HERC1: variants seen among roughly 807,000 people sequenced by gnomAD.
HERC1 encodes the protein HECT and RLD domain containing E3 ubiquitin protein ligase family member 1.
HERC1 carries 160 observed loss-of-function variants against 554.3 expected under a neutral mutation model. The ratio of observed to expected loss-of-function variants is 0.29; its 90% CI spans 0.25 to 0.33. HERC1 has a LOEUF of 0.33. Among genes scored for constraint, HERC1 ranks in the 10% least tolerant of loss-of-function variants. The pLI is 1.00. For missense variants in HERC1, 4,919 were observed against 5,918.5 expected, an observed-to-expected ratio of 0.83 and a Z score of 5.54; for synonymous variants, 2,175 against 2,131.7, an observed-to-expected ratio of 1.02 and a Z score of -0.56.
At chr15:63,743,053 T>C (rs2074876175) in intron 12 of HERC1, among the ~76,000 whole-genome samples, 1 of 152,078 alleles carries the variant, frequency 6.6e-6, no homozygotes. Flanking sequence ...GAAGAACTAG[T>C]CTTAATCCTT....
At chr15:63,664,448 A>G (rs776436309) in intron 43 of HERC1, 22 bp downstream of exon 43, 1 of 1,585,376 alleles carries the variant, frequency 6.3e-7, no homozygotes, top group Non-Finnish European at 8.6e-7. Flanking sequence ...CACAAAGAAA[A>G]GGATACGGAA....
At position 63,677,714 on chromosome 15, in the gene HERC1, C is replaced by G; in HGVS notation, c.7070+131G>C. The G allele has an allele frequency of 7.0e-7, 1 of 1,428,408 alleles. No homozygotes were observed. The highest frequency in any genetic ancestry group is 9.3e-7 in the Non-Finnish European group (1 of 1,070,180). 88.5% of individuals were successfully genotyped at this position (1,428,408 alleles called of 1,614,324 possible). A position where few individuals can be genotyped will look rare whatever the true frequency, so the allele number is the denominator to read the frequency against. On this transcript the variant is annotated intron_variant, in intron 37 of 77. Transcript: ENST00000443617. This position sits in a 1 kb window ranked among gnomAD's most constrained non-coding sequence, Gnocchi z 4.4. ...AAGAAATTACAGTAGAAACATCTAG[C>G]TGCATGAGAAATATTTTTAAAAGTT...
In HERC1 at chr15:63,739,711, C is replaced by T. The variant is rs572287514; in HGVS notation, c.2521-4862G>A. Among the ~76,000 whole-genome samples the T allele has an allele frequency of 2.5e-4, 38 of 151,998 alleles. No homozygotes were observed. The East Asian group carries it at 6.3e-3, about 25-fold the overall frequency. On this transcript the variant is annotated intron_variant, in intron 12 of 77. Coordinates refer to ENST00000443617, the MANE Select transcript of HERC1 (RefSeq NM_003922.4). ...AACACTAGCTGGGCATGGTGGTGTG[C>T]GCCTGCAGTCCCGGCTACTCGGGAG... is the stretch of plus-strand genomic sequence containing the variant.
intron 50 of HERC1, among the ~76,000 whole-genome samples, chr15:63,654,890 T>A (rs1054654562): frequency 2.0e-5 from 3 of 151,774 alleles, no homozygotes; most frequent in African/African-American, 7.3e-5. Context: ...AAATTTATTA[T>A]ACAACAATCA....
At chr15:63,624,868 C>T (rs909492206) in intron 71 of HERC1, among the ~76,000 whole-genome samples, 1 of 152,132 alleles carries the variant, frequency 6.6e-6, no homozygotes, top group African/African-American at 2.4e-5. Flanking sequence ...CACATGTATG[C>T]ACAAATTAAG....
At position 63,631,089 on chromosome 15, in the gene HERC1, C is replaced by T. The variant is rs538778409; in HGVS notation, c.12797-454G>A. Among the ~76,000 whole-genome samples the T allele has an allele frequency of 1.5e-3, 226 of 152,290 alleles. 2 individuals are homozygous for T. The highest frequency in any genetic ancestry group is 5.3e-3 in the African/African-American group (220 of 41,556). ...AACCTGTCGGGTTTAAATGATCCTCCTACCTCAGCCTCCTGAGTAGCTTGG... is the reference window on the plus strand; with the variant it reads ...AACCTGTCGGGTTTAAATGATCCTCTTACCTCAGCCTCCTGAGTAGCTTGG... On this transcript the variant is annotated intron_variant, in intron 68 of 77. Coordinates refer to ENST00000443617, the MANE Select transcript of HERC1 (RefSeq NM_003922.4).
At chr15:63,821,415 G>T (rs1320525535) in intron 1 of HERC1, among the ~76,000 whole-genome samples, 1 of 151,772 alleles carries the variant, frequency 6.6e-6, no homozygotes, top group Non-Finnish European at 1.5e-5. Context: ...AATTAGCCAG[G>T]CATGGTGGCA....
intron 16 of HERC1, 40 bp downstream of exon 16, chr15:63,729,196 T>C (rs763363065): frequency 9.6e-6 from 15 of 1,558,706 alleles, no homozygotes; most frequent in Non-Finnish European, 1.3e-5. Flanking sequence ...TTCTTACTTC[T>C]TAATGACTGA....
chr15:63,749,581 T>A lies in HERC1; in HGVS notation c.2048-43A>T. 1 of 1,572,530 alleles carries A rather than the reference T, an allele frequency of 6.4e-7. No homozygotes were observed. On this transcript the variant is annotated intron_variant, in intron 9 of 77. Transcript: ENST00000443617. The surrounding 1 kb of genome is among the most constrained non-coding windows in gnomAD (Gnocchi z 4.1). ...AGTATTATATAAAAGAAAAGCCAAA[T>A]TCAAATGTAATATATTTACACAAGA...
In HERC1 at chr15:63,637,487, T is replaced by A. The variant is rs2068834995; in HGVS notation, c.12232+18A>T. On this transcript the variant is annotated intron_variant, in intron 64 of 77. Coordinates refer to ENST00000443617, the MANE Select transcript of HERC1 (RefSeq NM_003922.4). ...AGGCCTTAGGTTCTAACCATCTTTT[T>A]ATTAAGGACAATTTTACCTTGTAAG... 1 of 1,561,194 alleles carries A rather than the reference T, an allele frequency of 6.4e-7. No homozygotes were observed. Among genetic ancestry groups the A allele is most frequent in the Non-Finnish European group, 8.7e-7 (1 of 1,150,856 alleles).
At position 63,677,719 on chromosome 15, in the gene HERC1, T is replaced by C. The variant is rs2071279102; in HGVS notation, c.7070+126A>G. ...ATTACAGTAGAAACATCTAGCTGCATGAGAAATATTTTTAAAAGTTAACTG... is the reference window on the plus strand; with the variant it reads ...ATTACAGTAGAAACATCTAGCTGCACGAGAAATATTTTTAAAAGTTAACTG... On this transcript the variant is annotated intron_variant, in intron 37 of 77. Coordinates refer to ENST00000443617, the MANE Select transcript of HERC1 (RefSeq NM_003922.4). This position sits in a 1 kb window ranked among gnomAD's most constrained non-coding sequence, Gnocchi z 4.4. 1 of 1,444,330 alleles carries C rather than the reference T, an allele frequency of 6.9e-7. No homozygotes were observed. The highest frequency in any genetic ancestry group is 1.4e-5 in the African/African-American group (1 of 70,686). 89.5% of individuals were successfully genotyped at this position (1,444,330 alleles called of 1,614,324 possible). A position where few individuals can be genotyped will look rare whatever the true frequency, so the allele number is the denominator to read the frequency against.
At chr15:63,701,148 A>T (rs543115281) in intron 25 of HERC1, among the ~76,000 whole-genome samples, 1 of 152,312 alleles carries the variant, frequency 6.6e-6, no homozygotes, top group East Asian at 1.9e-4. Flanking sequence ...GAACTGCAGA[A>T]GAAAAAGAGA....
intron 74 of HERC1, among the ~76,000 whole-genome samples, chr15:63,619,548 T>C (rs1446911731): frequency 6.6e-6 from 1 of 152,230 alleles, no homozygotes; most frequent in Non-Finnish European, 1.5e-5. Context: ...TTTCTATTGA[T>C]TGGAATAGTT....
chr15:63,612,676 T>C lies in HERC1; in HGVS notation c.14095-120A>G. ...GTCCGCTCCCCAGACCCTCTACTTG[T>C]TTCTCAGACCGCCAGGCACGAGAGT... On this transcript the variant is annotated intron_variant, in intron 76 of 77. Coordinates refer to ENST00000443617, the MANE Select transcript of HERC1 (RefSeq NM_003922.4). This position sits in a 1 kb window ranked among gnomAD's most constrained non-coding sequence, Gnocchi z 5.0. 1 of 927,182 alleles carries C rather than the reference T, an allele frequency of 1.1e-6. No individual in the cohort carries two copies. Among genetic ancestry groups the C allele is most frequent in the East Asian group, 2.6e-5 (1 of 37,774 alleles). The allele number at this position is 927,182 out of a possible 1,614,324, so 57.4% of individuals were successfully genotyped here.
At chr15:63,704,890 C>A (rs1331088318) in intron 25 of HERC1, among the ~76,000 whole-genome samples, 1 of 151,940 alleles carries the variant, frequency 6.6e-6, no homozygotes, top group Non-Finnish European at 1.5e-5. Context: ...AGGCGCCCAC[C>A]ACCACGCCCG....
rs192027178 is a variant in HERC1 at position 63,765,707 on chromosome 15, A to G, written c.931-1516T>C. On this transcript the variant is annotated intron_variant, in intron 2 of 77. Coordinates refer to ENST00000443617, the MANE Select transcript of HERC1 (RefSeq NM_003922.4). ...CCACCTCGAGTTATCCCATCCTTTCAGATCAAACCAATAAGATCTTACATG... is the reference window on the plus strand; with the variant it reads ...CCACCTCGAGTTATCCCATCCTTTCGGATCAAACCAATAAGATCTTACATG... Among the ~76,000 whole-genome samples the G allele has an allele frequency of 5.3e-5, 8 of 152,244 alleles. 1 individual carries two copies. The East Asian group carries it at 1.5e-3, about 29-fold the overall frequency.
At chr15:63,656,889 C>T (rs934340301) in intron 48 of HERC1, among the ~76,000 whole-genome samples, 1 of 152,146 alleles carries the variant, frequency 6.6e-6, no homozygotes, top group African/African-American at 2.4e-5. Flanking sequence ...TTGAGCAGTT[C>T]GTTTTCATTG....
chr15:63,661,607 C>T (rs1566984357), intron 45 of HERC1, 146 bp downstream of exon 45: 3 of 777,742 alleles, frequency 3.9e-6, no homozygotes, highest in Non-Finnish European at 6.2e-6. Context: ...TCTGAAACCC[C>T]TCCATCCCTT....
intron 2 of HERC1, among the ~76,000 whole-genome samples, chr15:63,769,864 TA>T (rs1206309093): frequency 6.6e-6 from 1 of 151,942 alleles, no homozygotes; most frequent in Admixed American, 6.6e-5. Context: ...TCTTAAAAAA[TA>T]AAAAAAATAA....
Sources: allele counts gnomAD v4.1 joint callset (sites outside exome capture counted in the v4.1 genomes callset), GRCh38; gene constraint gnomAD v4.1.1; non-coding constraint Gnocchi (gnomAD v3.1); transcripts MANE v1.5; gene names NCBI Gene and HGNC (gene_info 2026-07-23, HGNC 2026-07-21).